The following SCNN1B variants were observed in gnomAD, a reference collection of about 807,000 sequenced individuals.
The protein encoded by SCNN1B is sodium channel epithelial 1 subunit beta.
SCNN1B carries 46 observed loss-of-function variants against 65.3 expected under a neutral mutation model. That is an observed-to-expected ratio of 0.70 (90% CI 0.56 to 0.90). The LOEUF (loss-of-function observed/expected upper bound fraction) is 0.90. SCNN1B is among the 40% of genes least tolerant of loss of function. The pLI, the probability that SCNN1B is intolerant of heterozygous loss-of-function variation, is 0.00. For synonymous variants in SCNN1B, 349 were observed against 330.6 expected (o/e 1.06, Z -0.60); for missense variants, 751 against 830.5 (o/e 0.90, Z 1.18).
chr16:23,340,872 T>C (rs1962040976), intron 1 of SCNN1B, among the ~76,000 whole-genome samples: 1 of 150,236 alleles, frequency 6.7e-6, no homozygotes, highest in Non-Finnish European at 1.5e-5. Context: ...TTATTTTTCA[T>C]AAGTTTTTTA....
At position 23,296,052 on chromosome 16, in the gene SCNN1B, T is replaced by C. The variant is rs993702345; in HGVS notation, n.178+12248T>C. On this transcript the variant is annotated intron_variant and non_coding_transcript_variant, in intron 2 of 3. Transcript: ENST00000569789. ...ATTTCTGGGAACAATGTGAAAAAACTGCCAAGCTTGGTAGTGGCTGGAGGC... is the reference window on the plus strand; with the variant it reads ...ATTTCTGGGAACAATGTGAAAAAACCGCCAAGCTTGGTAGTGGCTGGAGGC... Among the ~76,000 whole-genome samples, 4 of 152,266 alleles carry C rather than the reference T, an allele frequency of 2.6e-5. 1 individual carries two copies. Among genetic ancestry groups the C allele is most frequent in the Non-Finnish European group, 1.5e-5 (1 of 68,024 alleles).
At chr16:23,298,026 G>A (rs1384294641), upstream of SCNN1B, among the ~76,000 whole-genome samples, 3 of 152,140 alleles carry the variant, frequency 2.0e-5, no homozygotes, top group Non-Finnish European at 4.4e-5. Flanking sequence ...TGGATTTCTA[G>A]GGCTAGATTG....
chr16:23,351,885 G>A (rs1418389204), intron 2 of SCNN1B, among the ~76,000 whole-genome samples: 1 of 152,160 alleles, frequency 6.6e-6, no homozygotes, highest in Non-Finnish European at 1.5e-5. Flanking sequence ...CTGGGAGGGA[G>A]ATCTCAGAAC....
At chr16:23,281,502 A>T (rs1960783900) in intron 1 of SCNN1B, among the ~76,000 whole-genome samples, 1 of 152,208 alleles carries the variant, frequency 6.6e-6, no homozygotes, top group Non-Finnish European at 1.5e-5. Context: ...TTCAGTAAAC[A>T]TTAGCTGTGT....
chr16:23,327,560 C>T (rs1961722583), intron 1 of SCNN1B, among the ~76,000 whole-genome samples: 1 of 151,886 alleles, frequency 6.6e-6, no homozygotes, highest in Admixed American at 6.6e-5. Flanking sequence ...ATAATAATAA[C>T]TAACCATTTT....
intron 1 of SCNN1B, among the ~76,000 whole-genome samples, chr16:23,314,201 T>A (rs1465367181): frequency 6.6e-6 from 1 of 151,824 alleles, no homozygotes; most frequent in Non-Finnish European, 1.5e-5. Context: ...TTTATTTTAT[T>A]TGTTTTGGTA....
rs562598963 is a variant in SCNN1B at position 23,283,192 on chromosome 16, C to G, written n.111-545C>G. On this transcript the variant is annotated intron_variant and non_coding_transcript_variant, in intron 1 of 3. Transcript: ENST00000569789. The stretch of plus-strand genomic sequence containing the variant: ...TTGGGAGGCTGAGGCAGGTGGATCA[C>G]TTGAGGTCAGGAGTTGAAGACCAGC... 6.6e-5 allele frequency among the ~76,000 whole-genome samples: 10 copies of G among 152,340 alleles called. No homozygotes were observed. The East Asian group carries it at 1.9e-3, about 29-fold the overall frequency.
At chr16:23,317,728 G>A (rs955902306) in intron 1 of SCNN1B, among the ~76,000 whole-genome samples, 1 of 152,156 alleles carries the variant, frequency 6.6e-6, no homozygotes, top group African/African-American at 2.4e-5. Context: ...TTGATGATTT[G>A]CTTCTAAATA....
In SCNN1B at chr16:23,380,426, C is replaced by G; in HGVS notation, c.1548C>G (p.Val516=). 6.2e-7 allele frequency: 1 copy of G among 1,614,198 alleles called. No homozygotes were observed. Among genetic ancestry groups the G allele is most frequent in the Non-Finnish European group, 8.5e-7 (1 of 1,180,044 alleles). The change falls in exon 13 of 13, where the codon GTC becomes GTG. Residue 516 remains valine (V), a synonymous_variant. Transcript: ENST00000343070. The surrounding 1 kb of genome is among the most constrained non-coding windows in gnomAD (Gnocchi z 5.4). ...CAGCTCCCTGTTCCCCACAGATCGT[C>G]TGGCTGCTCTCGAATCTGGGTGGCC... ...TIEESAANNI[V]WLLSNLGGQF... is the part of the protein sequence containing the mutation.
At chr16:23,302,714 G>C (rs1961111579) in intron 1 of SCNN1B, among the ~76,000 whole-genome samples, 1 of 152,190 alleles carries the variant, frequency 6.6e-6, no homozygotes, top group Non-Finnish European at 1.5e-5. Context: ...CCTCAGAGAC[G>C]GCGGCAAAGT....
At chr16:23,365,588 AG>A (rs1341545158) in intron 4 of SCNN1B, among the ~76,000 whole-genome samples, 1 of 15,084 alleles carries the variant, frequency 6.6e-5, no homozygotes, top group African/African-American at 2.1e-3. Context: ...AGAAAGAAAG[AG>A]AAAGAAAGAA....
In SCNN1B at chr16:23,312,445, A is replaced by G. The variant is rs537290405; in HGVS notation, c.-9+10008A>G. ...TCCATGGGATAACTTGGTGGGGGGA[A>G]TTTGAGGGGACCGTGAGGCATTAGC... On this transcript the variant is annotated intron_variant, in intron 1 of 12. Coordinates refer to ENST00000343070, the MANE Select transcript of SCNN1B (RefSeq NM_000336.3). Among the ~76,000 whole-genome samples the G allele has an allele frequency of 5.9e-5, 9 of 152,044 alleles. No individual in the cohort carries two copies. In the South Asian group the frequency reaches 1.5e-3, roughly 25 times the overall value.
Position 23,380,143 on chromosome 16 carries a change from A to G in SCNN1B, c.1516A>G (p.Thr506Ala). Residue 506 changes from threonine (T) to alanine (A), a missense_variant, in exon 12 of 13, where the codon ACC (threonine) becomes GCC (alanine). By Grantham distance (58) the Thr-to-Ala change is moderately conservative (BLOSUM62 0). Coordinates refer to ENST00000343070, the MANE Select transcript of SCNN1B (RefSeq NM_000336.3). The surrounding 1 kb of genome is among the most constrained non-coding windows in gnomAD (Gnocchi z 5.4). ...CTACTTCCAAGAATTTAACTATCGC[A>G]CCATTGAAGAATCAGCAGCCAATAA... ...NIYFQEFNYRTIEESAANNIV... is the reference protein window; with the variant it reads ...NIYFQEFNYRAIEESAANNIV... 6.2e-7 allele frequency: 1 copy of G among 1,613,980 alleles called. No individual in the cohort carries two copies. Among genetic ancestry groups the G allele is most frequent in the South Asian group, 1.1e-5 (1 of 91,080 alleles).
intron 4 of SCNN1B, among the ~76,000 whole-genome samples, chr16:23,360,213 T>TAAATAAATAAAC (rs1567311378): frequency 2.1e-4 from 31 of 150,042 alleles, no homozygotes; most frequent in Admixed American, 4.7e-4. Flanking sequence ...AATAAATAAA[T>TAAATAAATAAAC]AAATAAATAA....
In SCNN1B at chr16:23,377,136, T is replaced by G. The variant is rs568461516; in HGVS notation, c.1271-29T>G. ...GGCACCTAAAAAGCCCCCTTAAACC[T>G]CTTGGCCGCCTTTCTGTCTCCTGCG... On this transcript the variant is annotated intron_variant, in intron 8 of 12. Transcript: ENST00000343070. 17 of 1,608,904 alleles carry G rather than the reference T, an allele frequency of 1.1e-5. No homozygotes were observed. The South Asian group carries it at 1.8e-4, about 17-fold the overall frequency.
intron 2 of SCNN1B, among the ~76,000 whole-genome samples, chr16:23,350,840 G>T (rs1417652627): frequency 6.6e-6 from 1 of 152,096 alleles, no homozygotes; most frequent in Non-Finnish European, 1.5e-5. Flanking sequence ...TTGAACTCAG[G>T]AGGTGGAGGT....
At chr16:23,355,551 G>C (rs72654328) in intron 4 of SCNN1B, 62 bp downstream of exon 4, 1 of 1,549,416 alleles carries the variant, frequency 6.5e-7, no homozygotes, top group East Asian at 2.3e-5. Context: ...GGCATGTTAC[G>C]GTTGGGAGCA....
At chr16:23,374,126 G>A (rs904792622) in intron 7 of SCNN1B, among the ~76,000 whole-genome samples, 5 of 152,050 alleles carry the variant, frequency 3.3e-5, no homozygotes, top group Non-Finnish European at 7.4e-5. Flanking sequence ...CCTTGGTGGG[G>A]CGTGGTGGTG....
At chr16:23,374,895 C>T (rs892076106) in intron 7 of SCNN1B, among the ~76,000 whole-genome samples, 1 of 152,032 alleles carries the variant, frequency 6.6e-6, no homozygotes, top group Non-Finnish European at 1.5e-5. Context: ...CAATGAAACA[C>T]CAAGAACCAC....
Sources: gnomAD v4.1 joint callset for allele counts (sites outside exome capture counted in the v4.1 genomes callset) on GRCh38, gnomAD v4.1.1 for gene constraint, Gnocchi (gnomAD v3.1) non-coding constraint, MANE v1.5 for transcripts, NCBI Gene and HGNC (gene_info 2026-07-23, HGNC 2026-07-21) for gene names.